ROBO2: variants seen among roughly 807,000 people sequenced by gnomAD.
ROBO2 encodes roundabout guidance receptor 2.
In ROBO2, 53 loss-of-function variants were observed where a neutral mutation model predicts 160.8. The ratio of observed to expected loss-of-function variants is 0.33; its 90% CI spans 0.26 to 0.41. The LOEUF is 0.41. ROBO2 is among the 10% of genes least tolerant of loss of function. The probability of loss-of-function intolerance (pLI) is 1.00; values close to 1 mark genes in which losing one functional copy is unlikely to be tolerated. For missense variants in ROBO2, 1,577 were observed against 1,722.4 expected (o/e 0.92, Z 1.49); for synonymous variants, 664 against 611.7 (o/e 1.09, Z -1.26).
intron 2 of ROBO2, among the ~76,000 whole-genome samples, chr3:76,326,776 C>T (rs1459729596): frequency 1.0e-4 from 11 of 110,226 alleles, no homozygotes; most frequent in African/African-American, 3.8e-4. Context: ...CCCCTCCCCC[C>T]ACCCCACAGC....
chr3:76,892,633 C>A (rs932293282), intron 2 of ROBO2, among the ~76,000 whole-genome samples: 1 of 152,268 alleles, frequency 6.6e-6, no homozygotes. Flanking sequence ...TCTTCATTTT[C>A]CCTACATATC....
chr3:77,332,013 C>T (rs779346747), intron 2 of ROBO2, among the ~76,000 whole-genome samples: 10 of 151,978 alleles, frequency 6.6e-5, no homozygotes, highest in Non-Finnish European at 1.5e-4. Context: ...GCCTGAAATG[C>T]CTATTTTTTA....
intron 2 of ROBO2, among the ~76,000 whole-genome samples, chr3:76,834,523 C>T (rs1027469654): frequency 2.0e-5 from 3 of 152,020 alleles, no homozygotes; most frequent in African/African-American, 7.2e-5. Context: ...CAGGCACACA[C>T]CACCGTGCCT....
intron 2 of ROBO2, among the ~76,000 whole-genome samples, chr3:76,491,747 C>G (rs1406306879): frequency 6.6e-6 from 1 of 152,108 alleles, no homozygotes; most frequent in Non-Finnish European, 1.5e-5. Flanking sequence ...CTTATATTCT[C>G]CCCTCTTTTC....
intron 2 of ROBO2, among the ~76,000 whole-genome samples, chr3:76,370,576 A>C (rs924803832): frequency 2.0e-5 from 3 of 151,946 alleles, no homozygotes; most frequent in African/African-American, 7.2e-5. Context: ...CATACAAAGA[A>C]ACCACAGAGT....
intron 2 of ROBO2, among the ~76,000 whole-genome samples, chr3:76,791,075 T>A (rs1298731148): frequency 6.6e-6 from 1 of 151,814 alleles, no homozygotes; most frequent in Non-Finnish European, 1.5e-5. Flanking sequence ...ATTAAAATTA[T>A]CTGATGAACA....
chr3:76,351,804 T>G (rs2074893791), intron 2 of ROBO2, among the ~76,000 whole-genome samples: 1 of 151,994 alleles, frequency 6.6e-6, no homozygotes. Flanking sequence ...TATGTGACTT[T>G]GAGTAAATTA....
chr3:76,814,816 A>G (rs2065516685), intron 2 of ROBO2, among the ~76,000 whole-genome samples: 1 of 152,132 alleles, frequency 6.6e-6, no homozygotes, highest in Admixed American at 6.6e-5. Context: ...ACATGTAAGA[A>G]TAATTTCTGG....
chr3:76,107,984 C>T (rs1427604849), intron 2 of ROBO2, among the ~76,000 whole-genome samples: 1 of 151,972 alleles, frequency 6.6e-6, no homozygotes, highest in African/African-American at 2.4e-5. Context: ...GTATAGGTAA[C>T]CACCACAAAA....
intron 2 of ROBO2, among the ~76,000 whole-genome samples, chr3:77,392,521 G>A (rs527767558): frequency 6.6e-6 from 1 of 152,214 alleles, no homozygotes; most frequent in Non-Finnish European, 1.5e-5. Flanking sequence ...ACATAACCTC[G>A]TTCTTGTGTG....
chr3:77,224,622 T>C (rs905679700), intron 2 of ROBO2, among the ~76,000 whole-genome samples: 13 of 151,796 alleles, frequency 8.6e-5, no homozygotes, highest in Non-Finnish European at 1.5e-4. Flanking sequence ...AAATTGTGTG[T>C]GTTTCTTTGT....
chr3:77,316,736 A>G, intron 2 of ROBO2: 1 of 928,926 alleles, frequency 1.1e-6, no homozygotes, highest in East Asian at 2.4e-5. Flanking sequence ...AAATTAAACA[A>G]TTGTATGGTA....
intron 2 of ROBO2, among the ~76,000 whole-genome samples, chr3:76,648,429 G>A (rs2091088544): frequency 1.3e-5 from 2 of 152,046 alleles, no homozygotes; most frequent in South Asian, 4.1e-4. Context: ...AAAATGCAAT[G>A]CACGATCTTT....
At chr3:76,210,506 T>A (rs1703074219) in intron 2 of ROBO2, among the ~76,000 whole-genome samples, 2 of 152,112 alleles carry the variant, frequency 1.3e-5, no homozygotes, top group African/African-American at 4.8e-5. Context: ...GTGCCTTTGA[T>A]TATTAAGTGT....
rs560831331 is a variant in ROBO2 at position 76,700,662 on chromosome 3, A to G, written c.110-397352A>G. Among the ~76,000 whole-genome samples the G allele has an allele frequency of 5.4e-4, 82 of 152,238 alleles. 1 individual carries two copies. The highest frequency in any genetic ancestry group is 1.9e-3 in the African/African-American group (77 of 41,548). On this transcript the variant is annotated intron_variant, in intron 2 of 26. Transcript: ENST00000487694. The stretch of plus-strand genomic sequence containing the variant: ...ACTGCTTCCTTTGAGGACGTTCTTG[A>G]CTATCTTCTTCAATGAAGTGTGCCT...
At chr3:76,607,609 T>C (rs2087761013) in intron 2 of ROBO2, among the ~76,000 whole-genome samples, 1 of 152,192 alleles carries the variant, frequency 6.6e-6, no homozygotes, top group East Asian at 1.9e-4. Context: ...AAAAATTCCC[T>C]CTGATTCACA....
intron 13 of ROBO2, among the ~76,000 whole-genome samples, chr3:77,573,595 G>A (rs954671708): frequency 1.2e-4 from 18 of 151,944 alleles, no homozygotes; most frequent in East Asian, 1.9e-4. Flanking sequence ...GGGCATAAAC[G>A]TTCATATGCT....
intron 2 of ROBO2, among the ~76,000 whole-genome samples, chr3:76,477,658 A>AT (rs1472994369): frequency 6.6e-6 from 1 of 152,098 alleles, no homozygotes; most frequent in Non-Finnish European, 1.5e-5. Flanking sequence ...CTTAATTTTT[A>AT]TTTTAAAATT....
At chr3:77,336,353 G>T (rs1032041710) in intron 2 of ROBO2, among the ~76,000 whole-genome samples, 1 of 152,172 alleles carries the variant, frequency 6.6e-6, no homozygotes, top group East Asian at 1.9e-4. Context: ...GCAACACGAA[G>T]TCAAGAGGGG....
Sources: gnomAD v4.1 joint callset for allele counts (sites outside exome capture counted in the v4.1 genomes callset) on GRCh38, gnomAD v4.1.1 for gene constraint, MANE v1.5 for transcripts, NCBI Gene and HGNC (gene_info 2026-07-23, HGNC 2026-07-21) for gene names.